METTL16: variants seen among roughly 807,000 people sequenced by gnomAD.
METTL16 encodes the protein RNA N(6)-adenosine-methyltransferase METTL16.
METTL16 carries 19 observed loss-of-function variants against 57.9 expected under a neutral mutation model. That is an observed-to-expected ratio of 0.33 (90% CI 0.23 to 0.48). The LOEUF is 0.48. Ranked by LOEUF, METTL16 falls within the 20% of genes least tolerant of loss-of-function variation. The pLI is 0.99. For synonymous variants in METTL16, 246 were observed against 255.6 expected (o/e 0.96, Z 0.36); for missense variants, 434 against 691.5 (o/e 0.63, Z 4.18).
intron 2 of METTL16, among the ~76,000 whole-genome samples, chr17:2,497,914 G>A (rs1701630537): frequency 6.6e-6 from 1 of 151,740 alleles, no homozygotes; most frequent in Admixed American, 6.6e-5. Context: ...TACCTCTTAG[G>A]CCCGGCGCGG....
At chr17:2,423,298 G>GTGTGTGTGTA (rs1451706231) in intron 8 of METTL16, among the ~76,000 whole-genome samples, 2 of 142,472 alleles carry the variant, frequency 1.4e-5, no homozygotes, top group African/African-American at 2.7e-5. Flanking sequence ...GTGTGTGTGT[G>GTGTGTGTGTA]TGTGTTTGAA....
At chr17:2,422,505 A>G (rs1029288054) in intron 8 of METTL16, among the ~76,000 whole-genome samples, 5 of 151,756 alleles carry the variant, frequency 3.3e-5, no homozygotes, top group African/African-American at 4.8e-5. Context: ...TCAGCCTCCC[A>G]AGTACCTGGG....
intron 7 of METTL16, among the ~76,000 whole-genome samples, chr17:2,439,664 C>T (rs540075615): frequency 4.6e-5 from 7 of 151,970 alleles, no homozygotes; most frequent in Non-Finnish European, 7.4e-5. Context: ...AAAAGGAGTT[C>T]GATGTGAGGT....
chr17:2,498,086 C>A (rs1006093160), intron 2 of METTL16, among the ~76,000 whole-genome samples: 3 of 151,192 alleles, frequency 2.0e-5, no homozygotes, highest in African/African-American at 7.4e-5. Context: ...CCCAGCTACT[C>A]AGGAGGCTGA....
At chr17:2,461,356 C>T (rs944220524) in intron 6 of METTL16, among the ~76,000 whole-genome samples, 1 of 152,002 alleles carries the variant, frequency 6.6e-6, no homozygotes, top group Non-Finnish European at 1.5e-5. Flanking sequence ...CAGAGTGAGA[C>T]TCTGTCTCAA....
intron 3 of METTL16, among the ~76,000 whole-genome samples, chr17:2,476,956 C>CAAA (rs34519562): frequency 8.6e-6 from 1 of 116,266 alleles, no homozygotes; most frequent in Non-Finnish European, 1.8e-5. Context: ...AATTCCGTTT[C>CAAA]AAAAAAAAAA....
chr17:2,467,372 A>G (rs1385071890), intron 5 of METTL16, among the ~76,000 whole-genome samples: 3 of 152,204 alleles, frequency 2.0e-5, no homozygotes, highest in Non-Finnish European at 4.4e-5. Flanking sequence ...AAAAAATAGT[A>G]AGTTAATTTT....
chr17:2,476,864 G>A (rs1481828119), intron 3 of METTL16, among the ~76,000 whole-genome samples: 1 of 151,914 alleles, frequency 6.6e-6, no homozygotes, highest in Non-Finnish European at 1.5e-5. Flanking sequence ...GCTGAGGCAG[G>A]AGCATTGCTT....
chr17:2,507,105 C>T (rs1305126654), intron 1 of METTL16, among the ~76,000 whole-genome samples: 2 of 151,166 alleles, frequency 1.3e-5, no homozygotes, highest in African/African-American at 4.9e-5. Flanking sequence ...GCCAGCCGCC[C>T]CGTCCAGGAG....
At chr17:2,441,056 G>A (rs1422637762) in intron 7 of METTL16, among the ~76,000 whole-genome samples, 5 of 147,810 alleles carry the variant, frequency 3.4e-5, no homozygotes, top group African/African-American at 1.2e-4. Flanking sequence ...ATAAACTTAA[G>A]TATCCATCAA....
chr17:2,442,477 C>T (rs962763863), intron 6 of METTL16, among the ~76,000 whole-genome samples: 3 of 148,732 alleles, frequency 2.0e-5, no homozygotes, highest in African/African-American at 7.5e-5. Flanking sequence ...AAATGAAACC[C>T]AAGTAAGAAG....
chr17:2,450,123 G>A (rs1465425218), intron 6 of METTL16, among the ~76,000 whole-genome samples: 1 of 152,156 alleles, frequency 6.6e-6, no homozygotes, highest in Non-Finnish European at 1.5e-5. Context: ...CTACTCTCAG[G>A]TATTTACTTA....
At chr17:2,428,951 T>C (rs2066847890) in intron 8 of METTL16, among the ~76,000 whole-genome samples, 1 of 151,842 alleles carries the variant, frequency 6.6e-6, no homozygotes, top group Admixed American at 6.6e-5. Context: ...CTCTGCCTCC[T>C]GGGTTCAAGT....
Position 2,436,182 on chromosome 17 carries a change from G to A in METTL16, c.888+1927C>T, listed in dbSNP as rs368765417. Among the ~76,000 whole-genome samples the A allele has an allele frequency of 9.8e-5, 15 of 152,310 alleles. No homozygotes were observed. In the East Asian group the frequency reaches 2.9e-3, roughly 29 times the overall value. ...GAGCATTACTAATGATTTTAACCATGTGGTGTGAGGGCCCTGATATTCTAG... is the reference window on the plus strand; with the variant it reads ...GAGCATTACTAATGATTTTAACCATATGGTGTGAGGGCCCTGATATTCTAG... On this transcript the variant is annotated intron_variant, in intron 8 of 9. Transcript: ENST00000263092.
At chr17:2,440,344 G>A (rs997805655) in intron 7 of METTL16, among the ~76,000 whole-genome samples, 1 of 151,986 alleles carries the variant, frequency 6.6e-6, no homozygotes, top group African/African-American at 2.4e-5. Flanking sequence ...TGCCTCCCAG[G>A]TTCAAGAGAT....
At position 2,511,816 on chromosome 17, in the gene METTL16, G is replaced by A; in HGVS notation, c.-58C>T. 2.5e-6 allele frequency: 1 copy of A among 398,608 alleles called. No homozygotes were observed. The highest frequency in any genetic ancestry group is 4.4e-6 in the Non-Finnish European group (1 of 226,088). The allele number at this position is 398,608 out of a possible 1,614,324, so 24.7% of individuals were successfully genotyped here. On this transcript the variant is annotated 5_prime_UTR_variant, in exon 1 of 10. Coordinates refer to ENST00000263092, the MANE Select transcript of METTL16 (RefSeq NM_024086.4). ...TCTGGCGTGGGCCTGTACAACCCTAGAATCTTAAAGCAGCCGCATAGCGAA... is the reference window on the plus strand; with the variant it reads ...TCTGGCGTGGGCCTGTACAACCCTAAAATCTTAAAGCAGCCGCATAGCGAA...
At chr17:2,448,790 A>T (rs1453283178) in intron 6 of METTL16, among the ~76,000 whole-genome samples, 7,707 of 112,146 alleles carry the variant, frequency 0.069, 1,094 homozygotes, top group African/African-American at 0.31. Context: ...ATAAAAAAAT[A>T]AAAATAAAAT....
rs1555620039 is a variant in METTL16 at position 2,480,198 on chromosome 17, A to AG, written c.129-2314_129-2313insC. 1.3e-4 allele frequency among the ~76,000 whole-genome samples: 19 copies of AG among 151,900 alleles called. No individual in the cohort carries two copies. In the South Asian group the frequency reaches 2.9e-3, roughly 23 times the overall value. On this transcript the variant is annotated intron_variant, in intron 2 of 9. Transcript: ENST00000263092. ...GAGACTCTGTCTCAAAAAAAAAAAA[A>AG]AAAAGAAAAGAAAAGAAAAAACATA...
At chr17:2,496,807 A>T (rs2067449298) in intron 2 of METTL16, among the ~76,000 whole-genome samples, 1 of 151,224 alleles carries the variant, frequency 6.6e-6, no homozygotes, top group Non-Finnish European at 1.5e-5. Flanking sequence ...GCTGCTGTTT[A>T]AAAAAAAGCT....
Sources: gnomAD v4.1 joint callset for allele counts (sites outside exome capture counted in the v4.1 genomes callset) on GRCh38, gnomAD v4.1.1 for gene constraint, MANE v1.5 for transcripts, NCBI Gene and HGNC (gene_info 2026-07-23, HGNC 2026-07-21) for gene names.